The following STON2 variants were observed in gnomAD, a reference collection of about 807,000 sequenced individuals.
STON2 encodes the protein stonin 2.
Under a neutral mutation model 65.7 loss-of-function variants are expected in STON2, and 29 were observed. The ratio of observed to expected loss-of-function variants is 0.44; its 90% CI spans 0.33 to 0.60. The LOEUF is 0.60. Ranked by LOEUF, STON2 falls within the 20% of genes least tolerant of loss-of-function variation. STON2 has a pLI of 0.03. For synonymous variants in STON2, 404 were observed against 414.2 expected, an observed-to-expected ratio of 0.98 and a Z score of 0.30; for missense variants, 1,054 against 1,118.1, an observed-to-expected ratio of 0.94 and a Z score of 0.82.
At chr14:81,296,780 CTG>C (rs920964277) in intron 5 of STON2, among the ~76,000 whole-genome samples, 16 of 152,124 alleles carry the variant, frequency 1.1e-4, no homozygotes, top group African/African-American at 3.1e-4. Context: ...CAAGAGCAGA[CTG>C]TGGCAAATAC....
intron 4 of STON2, among the ~76,000 whole-genome samples, chr14:81,350,158 T>C (rs1456412864): frequency 6.6e-6 from 1 of 152,114 alleles, no homozygotes; most frequent in Non-Finnish European, 1.5e-5. Context: ...ATGACTATAG[T>C]TAACAATACT....
intron 5 of STON2, among the ~76,000 whole-genome samples, chr14:81,296,922 G>A (rs569015119): frequency 1.3e-5 from 2 of 149,912 alleles, no homozygotes; most frequent in Non-Finnish European, 3.0e-5. Flanking sequence ...GCTTGTGTAA[G>A]AGGAAATAAG....
chr14:81,400,772 T>C (rs1321445408), upstream of STON2, among the ~76,000 whole-genome samples: 2 of 152,224 alleles, frequency 1.3e-5, no homozygotes, highest in African/African-American at 4.8e-5. Context: ...GGAGTTAGGT[T>C]GTTCGGATTT....
intron 5 of STON2, among the ~76,000 whole-genome samples, chr14:81,298,215 T>C (rs1487188974): frequency 5.9e-5 from 9 of 152,156 alleles, no homozygotes; most frequent in Non-Finnish European, 1.0e-4. Context: ...GCGGGTGCCC[T>C]TCCAGGAAGG....
rs1362343311 is a variant in STON2, at chr14:81,266,361, C to T, written c.*2053G>A. 2.0e-5 allele frequency among the ~76,000 whole-genome samples: 3 copies of T among 152,150 alleles called. No individual in the cohort carries two copies. The highest frequency in any genetic ancestry group is 7.2e-5 in the African/African-American group (3 of 41,432). On this transcript the variant is annotated 3_prime_UTR_variant, in exon 8 of 8. Coordinates refer to ENST00000614646, the MANE Select transcript of STON2 (RefSeq NM_001394390.1). ...AAGTTCCTCTTTGTTCTTATTTTTG[C>T]CCTTTGAAGCTACACAGAATAAATC...
chr14:81,310,335 T>C (rs1896373585), intron 5 of STON2, among the ~76,000 whole-genome samples: 1 of 152,188 alleles, frequency 6.6e-6, no homozygotes, highest in Non-Finnish European at 1.5e-5. Context: ...CTGCTTGTCA[T>C]ACACTTCTTC....
At chr14:81,270,104 T>C in intron 7 of STON2, 1 of 935,102 alleles carries the variant, frequency 1.1e-6, no homozygotes, top group Non-Finnish European at 1.3e-6. Flanking sequence ...TTTTCTTTTT[T>C]TGAGACACAG....
rs1428797274 is a variant in STON2, at chr14:81,278,736, T to C, written c.746A>G (p.Asn249Ser). 2.6e-6 allele frequency: 4 copies of C among 1,513,412 alleles called. No homozygotes were observed. The highest frequency in any genetic ancestry group is 2.6e-6 in the Non-Finnish European group (3 of 1,134,044). 93.7% of individuals were successfully genotyped at this position (1,513,412 alleles called of 1,614,324 possible). A position where few individuals can be genotyped will look rare whatever the true frequency, so the allele number is the denominator to read the frequency against. Residue 249 changes from asparagine to serine, a missense_variant, in exon 6 of 8, where the codon AAT becomes AGT. Asn to Ser is a conservative substitution (Grantham distance 46). Coordinates refer to ENST00000614646, the MANE Select transcript of STON2 (RefSeq NM_001394390.1). Reference sequence around the variant, plus strand: ...TTCATCTTCTTGAAGCGAGGAGGAATTGTCTAAAAGGAAAAGGAGAACATA... The same window carrying C: ...TTCATCTTCTTGAAGCGAGGAGGAACTGTCTAAAAGGAAAAGGAGAACATA... ...GPEGASAPNDNSSSLQEDEEV... is the reference protein window; with the variant it reads ...GPEGASAPNDSSSSLQEDEEV...
intron 1 of STON2, among the ~76,000 whole-genome samples, chr14:81,428,057 G>C (rs1902070768): frequency 6.6e-6 from 1 of 152,170 alleles, no homozygotes; most frequent in Non-Finnish European, 1.5e-5. Context: ...TACTCCTCCT[G>C]ACCTTACAGC....
At chr14:81,395,322 C>G (rs1900262243) in intron 3 of STON2, 1 of 152,694 alleles carries the variant, frequency 6.5e-6, no homozygotes, top group Admixed American at 6.5e-5. Context: ...CAGCTTACTG[C>G]AACCTCCGCT....
At chr14:81,307,164 A>T (rs1046323540) in intron 5 of STON2, among the ~76,000 whole-genome samples, 1 of 152,238 alleles carries the variant, frequency 6.6e-6, no homozygotes, top group African/African-American at 2.4e-5. Context: ...AGAGAAATTT[A>T]AAAAACACAC....
intron 2 of STON2, among the ~76,000 whole-genome samples, chr14:81,420,633 G>A (rs915842720): frequency 6.6e-6 from 1 of 152,146 alleles, no homozygotes. Flanking sequence ...CCAATTTGGG[G>A]TCAGTGAAGA....
In STON2 at chr14:81,261,908, T is replaced by C; in HGVS notation, c.*6506A>G. 1.3e-6 allele frequency: 2 copies of C among 1,512,558 alleles called. No individual in the cohort carries two copies. The highest frequency in any genetic ancestry group is 1.8e-6 in the Non-Finnish European group (2 of 1,139,232). 93.7% of individuals were successfully genotyped at this position (1,512,558 alleles called of 1,614,324 possible). On this transcript the variant is annotated 3_prime_UTR_variant, in exon 8 of 8. Transcript: ENST00000614646. ...GAAGGCAACTGCAATATAGAGGATT[T>C]GGAAGGTTGTCTGTTTCTGTTGTCT... is the stretch of plus-strand genomic sequence containing the variant.
chr14:81,360,957 GT>G (rs1898467325), intron 4 of STON2, among the ~76,000 whole-genome samples: 2 of 151,890 alleles, frequency 1.3e-5, no homozygotes, highest in African/African-American at 4.8e-5. Flanking sequence ...AACCAAAGAG[GT>G]GAAAACTATA....
chr14:81,419,430 T>G (rs1901596558), intron 2 of STON2, among the ~76,000 whole-genome samples: 1 of 152,232 alleles, frequency 6.6e-6, no homozygotes, highest in Non-Finnish European at 1.5e-5. Context: ...ATATATTTAA[T>G]TTCTTACATT....
intron 6 of STON2, among the ~76,000 whole-genome samples, chr14:81,276,561 T>C (rs1217453211): frequency 6.6e-6 from 1 of 152,172 alleles, no homozygotes; most frequent in African/African-American, 2.4e-5. Context: ...CATCTAGAAA[T>C]GAATCACTTC....
rs1166136903 is a variant in STON2 at position 81,263,318 on chromosome 14, C to A, written c.*5096G>T. 4.9e-6 allele frequency: 1 copy of A among 205,990 alleles called. No individual in the cohort carries two copies. The highest frequency in any genetic ancestry group is 8.5e-6 in the Non-Finnish European group (1 of 117,466). The allele number at this position is 205,990 out of a possible 1,614,324, so 12.8% of individuals were successfully genotyped here. ...CTCTGGGAGGCTAAGGCGGGTGGAT[C>A]ACCTGAGCTCAGAAGTTCAAGACCA... On this transcript the variant is annotated 3_prime_UTR_variant, in exon 8 of 8. Coordinates refer to ENST00000614646, the MANE Select transcript of STON2 (RefSeq NM_001394390.1).
intron 5 of STON2, among the ~76,000 whole-genome samples, chr14:81,291,531 G>T (rs1026039967): frequency 1.3e-5 from 2 of 152,036 alleles, no homozygotes; most frequent in African/African-American, 4.8e-5. Flanking sequence ...TGATCCACTG[G>T]GGTATGGAAA....
intron 2 of STON2, among the ~76,000 whole-genome samples, chr14:81,421,265 G>A (rs995568035): frequency 2.6e-5 from 4 of 152,192 alleles, no homozygotes; most frequent in African/African-American, 9.7e-5. Context: ...CTGAACTATA[G>A]GTGATTTACT....
Sources: allele counts gnomAD v4.1 joint callset (sites outside exome capture counted in the v4.1 genomes callset), GRCh38; gene constraint gnomAD v4.1.1; transcripts MANE v1.5; gene names NCBI Gene and HGNC (gene_info 2026-07-23, HGNC 2026-07-21).